The following CPQ variants were observed in gnomAD, a reference collection of about 807,000 sequenced individuals.
The protein encoded by CPQ is Ser-Met dipeptidase.
CPQ carries 37 observed loss-of-function variants against 45.7 expected under a neutral mutation model. The observed-to-expected ratio is 0.81, with a 90% CI of 0.62 to 1.07. The LOEUF (loss-of-function observed/expected upper bound fraction) is 1.07. Ranked by LOEUF, CPQ falls within the 50% of genes least tolerant of loss-of-function variation. CPQ has a pLI of 0.00. For synonymous variants in CPQ, 186 were observed against 205.8 expected, an observed-to-expected ratio of 0.90 and a Z score of 0.82; for missense variants, 537 against 572.9, an observed-to-expected ratio of 0.94 and a Z score of 0.64.
chr8:96,831,692 A>AT (rs1811462642), intron 2 of CPQ, among the ~76,000 whole-genome samples: 1 of 152,144 alleles, frequency 6.6e-6, no homozygotes, highest in South Asian at 2.1e-4. Context: ...TGGCTACTGA[A>AT]TACAGTGGCC....
chr8:96,756,380 C>A (rs1810327114), intron 1 of CPQ, among the ~76,000 whole-genome samples: 2 of 152,034 alleles, frequency 1.3e-5, no homozygotes, highest in Non-Finnish European at 2.9e-5. Context: ...TATGTTATCA[C>A]TTTATGTGGG....
chr8:96,815,150 A>T (rs1310254142), intron 2 of CPQ, among the ~76,000 whole-genome samples: 2 of 152,110 alleles, frequency 1.3e-5, no homozygotes, highest in Non-Finnish European at 2.9e-5. Flanking sequence ...AACGCTTCAA[A>T]TGAGTGAATT....
intron 6 of CPQ, among the ~76,000 whole-genome samples, chr8:97,051,502 A>G (rs1275281779): frequency 6.6e-6 from 1 of 152,208 alleles, no homozygotes; most frequent in Non-Finnish European, 1.5e-5. Context: ...TTCTACCAGC[A>G]ACAAAGTGAC....
intron 1 of CPQ, among the ~76,000 whole-genome samples, chr8:96,720,414 T>C (rs1439758029): frequency 6.6e-6 from 1 of 152,186 alleles, no homozygotes; most frequent in Non-Finnish European, 1.5e-5. Flanking sequence ...TGTGTGTGTG[T>C]TTTGTTTGTT....
chr8:96,870,009 A>G (rs1022725621), intron 3 of CPQ, among the ~76,000 whole-genome samples: 2 of 152,106 alleles, frequency 1.3e-5, no homozygotes, highest in Non-Finnish European at 2.9e-5. Flanking sequence ...GTGTCTATAC[A>G]GAAGACATAA....
At chr8:96,778,923 A>T (rs1034350608) in intron 1 of CPQ, among the ~76,000 whole-genome samples, 1 of 151,830 alleles carries the variant, frequency 6.6e-6, no homozygotes, top group African/African-American at 2.4e-5. Flanking sequence ...AAATTAGCTG[A>T]GCATGGTGAC....
intron 5 of CPQ, among the ~76,000 whole-genome samples, chr8:96,985,419 CT>C (rs535598837): frequency 3.9e-5 from 6 of 152,262 alleles, no homozygotes; most frequent in South Asian, 2.1e-4. Context: ...TTTTCCATCT[CT>C]TCAACTTGCT....
chr8:96,850,584 TTTTATTTATTTATTTA>T (rs199730159), intron 3 of CPQ, among the ~76,000 whole-genome samples: 13 of 136,636 alleles, frequency 9.5e-5, no homozygotes, highest in East Asian at 6.3e-4. Flanking sequence ...TTTTATTTTA[TTTTATTTATTTATTTA>T]TTTATTTATT....
At chr8:97,088,256 G>A (rs7845321) in intron 7 of CPQ, among the ~76,000 whole-genome samples, 1 of 152,178 alleles carries the variant, frequency 6.6e-6, no homozygotes, top group African/African-American at 2.4e-5. Flanking sequence ...GGGTAAAAAT[G>A]TAAATGTTCA....
chr8:97,136,585 C>T (rs1418198674), intron 7 of CPQ, among the ~76,000 whole-genome samples: 1 of 152,142 alleles, frequency 6.6e-6, no homozygotes, highest in Non-Finnish European at 1.5e-5. Flanking sequence ...GCCCTACCTG[C>T]CTCTAAACCC....
At chr8:96,977,671 CA>C (rs1173606074) in intron 5 of CPQ, among the ~76,000 whole-genome samples, 2 of 152,186 alleles carry the variant, frequency 1.3e-5, no homozygotes, top group African/African-American at 4.8e-5. Flanking sequence ...ATGGCATTCA[CA>C]GCAACCTGGA....
At chr8:96,847,458 T>C (rs529014436) in intron 3 of CPQ, among the ~76,000 whole-genome samples, 3 of 152,256 alleles carry the variant, frequency 2.0e-5, no homozygotes, top group African/African-American at 7.2e-5. Context: ...AATTCATTAC[T>C]ATCATCATTC....
At chr8:97,044,417 C>T (rs1005493236) in intron 6 of CPQ, among the ~76,000 whole-genome samples, 1 of 152,088 alleles carries the variant, frequency 6.6e-6, no homozygotes, top group Non-Finnish European at 1.5e-5. Context: ...AGCTTCTTTG[C>T]CTTTGGTTTG....
chr8:96,734,710 CAA>C (rs2130773046), intron 1 of CPQ, among the ~76,000 whole-genome samples: 1 of 108,290 alleles, frequency 9.2e-6, no homozygotes, highest in Admixed American at 1.1e-4. Flanking sequence ...GACTCCATCT[CAA>C]AAATAAAATA....
intron 1 of CPQ, among the ~76,000 whole-genome samples, chr8:96,741,330 A>T (rs200706388): frequency 2.6e-5 from 4 of 151,864 alleles, no homozygotes; most frequent in Non-Finnish European, 2.9e-5. Flanking sequence ...ATCCCCTTTA[A>T]CATTTTTTAT....
chr8:96,683,461 T>C (rs1809177908), intron 1 of CPQ, among the ~76,000 whole-genome samples: 1 of 152,164 alleles, frequency 6.6e-6, no homozygotes, highest in Non-Finnish European at 1.5e-5. Flanking sequence ...TCTCTCTTTG[T>C]CTTTGGCTTT....
At chr8:97,113,726 G>C (rs1294291439) in intron 7 of CPQ, among the ~76,000 whole-genome samples, 11 of 152,178 alleles carry the variant, frequency 7.2e-5, no homozygotes. Flanking sequence ...ACAAATGTCA[G>C]CTCTAATCAG....
intron 3 of CPQ, among the ~76,000 whole-genome samples, chr8:96,879,120 T>A (rs1812186223): frequency 6.6e-6 from 1 of 152,248 alleles, no homozygotes; most frequent in African/African-American, 2.4e-5. Flanking sequence ...AAGAAGCATC[T>A]AGAAATTAAC....
intron 7 of CPQ, among the ~76,000 whole-genome samples, chr8:97,127,757 A>T (rs1180408268): frequency 6.6e-6 from 1 of 152,222 alleles, no homozygotes; most frequent in Non-Finnish European, 1.5e-5. Flanking sequence ...ACATTCACTA[A>T]AATGTCCAAA....
Sources: allele counts gnomAD v4.1 joint callset (sites outside exome capture counted in the v4.1 genomes callset), GRCh38; gene constraint gnomAD v4.1.1; transcripts MANE v1.5; gene names NCBI Gene and HGNC (gene_info 2026-07-23, HGNC 2026-07-21).